The following POU6F2 variants were observed in gnomAD, a reference collection of about 807,000 sequenced individuals.
POU6F2 encodes the protein POU class 6 homeobox 2.
In POU6F2, 31 loss-of-function variants were observed where a neutral mutation model predicts 71.3. The ratio of observed to expected loss-of-function variants is 0.43; its 90% CI spans 0.33 to 0.59. The LOEUF is 0.59. Ranked by LOEUF, POU6F2 falls within the 20% of genes least tolerant of loss-of-function variation. POU6F2 has a pLI of 0.04. For missense variants in POU6F2, 783 were observed against 856.8 expected (o/e 0.91, Z 1.07); for synonymous variants, 347 against 355.7 (o/e 0.98, Z 0.27).
At chr7:39,380,322 A>G (rs1355800971) in intron 5 of POU6F2, among the ~76,000 whole-genome samples, 2 of 152,214 alleles carry the variant, frequency 1.3e-5, no homozygotes. Flanking sequence ...GAATAATAGA[A>G]TCTATTTTTC....
intron 7 of POU6F2, among the ~76,000 whole-genome samples, chr7:39,446,948 G>T (rs1407227760): frequency 6.6e-6 from 1 of 152,180 alleles, no homozygotes; most frequent in African/African-American, 2.4e-5. Context: ...ACTAACAGTA[G>T]GGCGAATAAA....
chr7:39,226,936 A>G (rs959283808), intron 4 of POU6F2, among the ~76,000 whole-genome samples: 2 of 152,140 alleles, frequency 1.3e-5, no homozygotes, highest in East Asian at 3.9e-4. Flanking sequence ...TACACTGACT[A>G]TTTTTGACAG....
intron 2 of POU6F2, among the ~76,000 whole-genome samples, chr7:39,134,420 A>G (rs1584560630): frequency 6.6e-6 from 1 of 152,166 alleles, no homozygotes; most frequent in South Asian, 2.1e-4. Flanking sequence ...ACACTTTCAG[A>G]ACCATTGCTG....
intron 2 of POU6F2, among the ~76,000 whole-genome samples, chr7:39,145,301 C>G (rs990425194): frequency 5.3e-5 from 8 of 152,164 alleles, no homozygotes; most frequent in African/African-American, 1.9e-4. Flanking sequence ...TTGAAAACAA[C>G]TACATTGCCA....
chr7:39,239,625 T>G (rs1325096228), intron 4 of POU6F2, among the ~76,000 whole-genome samples: 2 of 152,132 alleles, frequency 1.3e-5, no homozygotes, highest in African/African-American at 4.8e-5. Context: ...GACTTATATC[T>G]GCCTCATGGA....
At chr7:39,051,149 G>T (rs1790392973) in intron 1 of POU6F2, among the ~76,000 whole-genome samples, 1 of 113,274 alleles carries the variant, frequency 8.8e-6, no homozygotes, top group African/African-American at 3.2e-5. Context: ...GGAGAAGACA[G>T]AATTAAATAT....
intron 6 of POU6F2, among the ~76,000 whole-genome samples, chr7:39,429,193 C>A (rs1788039913): frequency 6.6e-6 from 1 of 151,910 alleles, no homozygotes; most frequent in Non-Finnish European, 1.5e-5. Flanking sequence ...CCTGTCTCAA[C>A]CTTTTCTTGC....
intron 1 of POU6F2, among the ~76,000 whole-genome samples, chr7:39,026,437 C>T (rs1322976466): frequency 1.3e-5 from 2 of 152,052 alleles, no homozygotes; most frequent in Non-Finnish European, 2.9e-5. Flanking sequence ...ATGATGAGTT[C>T]ATGTCCTTTG....
At chr7:39,330,184 A>C (rs138736694) in intron 4 of POU6F2, among the ~76,000 whole-genome samples, 1 of 152,292 alleles carries the variant, frequency 6.6e-6, no homozygotes, top group Non-Finnish European at 1.5e-5. Flanking sequence ...GTCTTTTATT[A>C]ACTTGATATA....
chr7:39,037,483 T>G (rs1404193885), intron 1 of POU6F2, among the ~76,000 whole-genome samples: 1 of 150,590 alleles, frequency 6.6e-6, no homozygotes. Context: ...TTTTCTTTGA[T>G]TTCAGAGATG....
chr7:39,297,774 C>A (rs1261353609), intron 4 of POU6F2, among the ~76,000 whole-genome samples: 1 of 152,108 alleles, frequency 6.6e-6, no homozygotes, highest in Non-Finnish European at 1.5e-5. Flanking sequence ...GCTACAGTAA[C>A]CAAAACAGCA....
At chr7:39,154,751 A>AAT (rs1311118878) in intron 2 of POU6F2, among the ~76,000 whole-genome samples, 2 of 152,090 alleles carry the variant, frequency 1.3e-5, no homozygotes, top group South Asian at 4.1e-4. Flanking sequence ...TGGGGAAGAG[A>AAT]ATATCACTAC....
intron 1 of POU6F2, among the ~76,000 whole-genome samples, chr7:39,082,196 T>C (rs1441432867): frequency 6.6e-6 from 1 of 152,240 alleles, no homozygotes; most frequent in Non-Finnish European, 1.5e-5. Flanking sequence ...GTGATTTTGC[T>C]AATAGAAACT....
chr7:39,419,002 T>C (rs911330895), intron 6 of POU6F2, among the ~76,000 whole-genome samples: 33 of 144,182 alleles, frequency 2.3e-4, no homozygotes, highest in Middle Eastern at 3.6e-3. Context: ...TATGTGTATA[T>C]ATGTGTATAT....
At chr7:39,069,745 GAA>G (rs1168690302) in intron 1 of POU6F2, among the ~76,000 whole-genome samples, 1 of 152,130 alleles carries the variant, frequency 6.6e-6, no homozygotes, top group Admixed American at 6.6e-5. Context: ...TTAAGGAAAA[GAA>G]AATATATTTG....
chr7:39,000,904 T>C (rs990006832), intron 1 of POU6F2, among the ~76,000 whole-genome samples: 1 of 152,202 alleles, frequency 6.6e-6, no homozygotes, highest in East Asian at 1.9e-4. Flanking sequence ...ACCTGCCCAG[T>C]GTTGTTTGTT....
chr7:39,338,528 C>G (rs1204460843), intron 4 of POU6F2, among the ~76,000 whole-genome samples: 3 of 152,084 alleles, frequency 2.0e-5, no homozygotes, highest in Admixed American at 6.5e-5. Flanking sequence ...AGTTGGAAGC[C>G]CTACATGGTA....
At chr7:39,155,250 T>C (rs981258756) in intron 2 of POU6F2, among the ~76,000 whole-genome samples, 1 of 141,184 alleles carries the variant, frequency 7.1e-6, no homozygotes, top group African/African-American at 2.6e-5. Context: ...CTGAGTTTTT[T>C]TGGGGGGTGG....
intron 5 of POU6F2, among the ~76,000 whole-genome samples, chr7:39,362,341 A>G (rs985133872): frequency 6.6e-6 from 1 of 151,716 alleles, no homozygotes; most frequent in African/African-American, 2.4e-5. Context: ...ACATATAAGG[A>G]GAATTGAGTA....
Sources: gnomAD v4.1 joint callset for allele counts (sites outside exome capture counted in the v4.1 genomes callset) on GRCh38, gnomAD v4.1.1 for gene constraint, MANE v1.5 for transcripts, NCBI Gene and HGNC (gene_info 2026-07-23, HGNC 2026-07-21) for gene names.